The following PSMA5 variants were observed in gnomAD, a reference collection of about 807,000 sequenced individuals.
PSMA5 encodes the protein proteasome subunit alpha type-5.
A neutral mutation model predicts 34.5 loss-of-function variants in PSMA5; 3 were observed. The observed-to-expected ratio is 0.09, with a 90% CI of 0.04 to 0.22. The LOEUF (loss-of-function observed/expected upper bound fraction) is 0.22, where lower values mean the gene tolerates loss of function less well. PSMA5 is among the 10% of genes least tolerant of loss of function. The pLI is 1.00. For missense variants in PSMA5, 120 were observed against 286.1 expected (o/e 0.42, Z 4.19); for synonymous variants, 88 against 95.8 (o/e 0.92, Z 0.47).
At chr1:109,412,786 CAA>C (rs1402922238) in intron 4 of PSMA5, 2 of 295,270 alleles carry the variant, frequency 6.8e-6, no homozygotes, top group Non-Finnish European at 6.2e-6. Context: ...TGCTCCCACA[CAA>C]AGTCAATTAG....
At chr1:109,411,316 T>G (rs938544585) in intron 6 of PSMA5, among the ~76,000 whole-genome samples, 16 of 152,200 alleles carry the variant, frequency 1.1e-4, no homozygotes, top group Admixed American at 2.6e-4. Context: ...AGTACCTTCC[T>G]TAGGGATTTA....
chr1:109,422,532 G>A (rs1452799934), intron 1 of PSMA5, among the ~76,000 whole-genome samples: 1 of 150,132 alleles, frequency 6.7e-6, no homozygotes. Context: ...GCTCAGGCGG[G>A]TGCGATCTCA....
intron 1 of PSMA5, 145 bp downstream of exon 1, chr1:109,426,157 C>A (rs1162088541): frequency 2.5e-5 from 26 of 1,057,010 alleles, no homozygotes; most frequent in Non-Finnish European, 3.6e-5. Context: ...GGACGGCGGG[C>A]GCCTGAGGAG....
In PSMA5 at chr1:109,421,234, T is replaced by C. The variant is rs146131650; in HGVS notation, c.96+626A>G. 9.1e-3 allele frequency among the ~76,000 whole-genome samples: 1,391 copies of C among 152,044 alleles called. 19 individuals are homozygous for C. Among genetic ancestry groups the C allele is most frequent in the African/African-American group, 0.032 (1,316 of 41,496 alleles). On this transcript the variant is annotated intron_variant, in intron 2 of 8. Transcript: ENST00000271308. ...TCTTATTTAGTCCCTAAGGTGACTTTACCAACAAGAACACAAAGGTGGGCT... is the reference window on the plus strand; with the variant it reads ...TCTTATTTAGTCCCTAAGGTGACTTCACCAACAAGAACACAAAGGTGGGCT...
intron 6 of PSMA5, 98 bp from the exon 7 acceptor site, chr1:109,411,211 C>T: frequency 1.3e-6 from 1 of 767,402 alleles, no homozygotes; most frequent in African/African-American, 1.8e-5. Context: ...CTTGGCCCTG[C>T]AGCCAGGAAA....
At chr1:109,413,480 C>A in intron 3 of PSMA5, among the ~76,000 whole-genome samples, 1 of 152,166 alleles carries the variant, frequency 6.6e-6, no homozygotes, top group African/African-American at 2.4e-5. Context: ...AATACTAATG[C>A]CCCAACCTGG....
intron 8 of PSMA5, among the ~76,000 whole-genome samples, chr1:109,403,159 A>T (rs1653605645): frequency 6.6e-6 from 1 of 152,214 alleles, no homozygotes; most frequent in Admixed American, 6.5e-5. Context: ...TAGGGTCAGA[A>T]GATGGTTAAT....
intron 1 of PSMA5, 58 bp downstream of exon 1, chr1:109,426,244 C>G: frequency 6.2e-7 from 1 of 1,604,318 alleles, no homozygotes; most frequent in Non-Finnish European, 8.5e-7. Context: ...GGCCGCGCGG[C>G]CAGGTCCCGG....
intron 8 of PSMA5, among the ~76,000 whole-genome samples, chr1:109,407,473 C>T (rs184185804): frequency 8.7e-4 from 133 of 152,266 alleles, no homozygotes; most frequent in Non-Finnish European, 1.6e-3. Context: ...CATTCACCAA[C>T]AATACTCTCC....
chr1:109,415,324 C>T lies in PSMA5; in HGVS notation c.136G>A (p.Val46Met). Residue 46 changes from valine to methionine, a missense_variant, in exon 3 of 9, where the codon GTG (valine) becomes ATG (methionine). This residue lies in a region of PSMA5 where 17 missense variants were observed against 63.5 expected (regional missense o/e 0.27). Transcript: ENST00000271308. ...ATTCTCTTCTCCACAGCTAGGCACA[C>T]ACCCTCTGATGTCTGGATCCCAATG... ...TAIGIQTSEG[V>M]CLAVEKRITS... 1 of 1,613,960 alleles carries T rather than the reference C, an allele frequency of 6.2e-7. No homozygotes were observed. Among genetic ancestry groups the T allele is most frequent in the Non-Finnish European group, 8.5e-7 (1 of 1,179,866 alleles).
At chr1:109,407,138 A>T (rs1410344985) in intron 8 of PSMA5, among the ~76,000 whole-genome samples, 2 of 152,074 alleles carry the variant, frequency 1.3e-5, no homozygotes, top group East Asian at 3.9e-4. Context: ...GGCGCCCGCC[A>T]CCATACCCGG....
intron 8 of PSMA5, among the ~76,000 whole-genome samples, chr1:109,407,864 C>T (rs1053891280): frequency 3.9e-5 from 6 of 152,058 alleles, no homozygotes; most frequent in Admixed American, 2.0e-4. Flanking sequence ...AGGCTAGTCT[C>T]GAACTTCTGG....
At chr1:109,422,069 A>C in intron 1 of PSMA5, 143 bp from the exon 2 acceptor site, 1 of 522,378 alleles carries the variant, frequency 1.9e-6, no homozygotes, top group East Asian at 3.6e-5. Flanking sequence ...AACAATCTGT[A>C]GCATTTTTTT....
intron 2 of PSMA5, among the ~76,000 whole-genome samples, chr1:109,418,185 G>C (rs1452605881): frequency 1.3e-5 from 2 of 152,124 alleles, no homozygotes; most frequent in Non-Finnish European, 2.9e-5. Context: ...CTGCACTCCA[G>C]TCTAGGTGAC....
intron 1 of PSMA5, 124 bp downstream of exon 1, chr1:109,426,178 C>A: frequency 7.5e-7 from 1 of 1,340,020 alleles, no homozygotes; most frequent in Non-Finnish European, 1.1e-6. Context: ...GGCATAACAT[C>A]CCCAGGTCCG....
chr1:109,399,051 G>A lies in PSMA5; in HGVS notation c.*2962C>T, dbSNP rs896005951. 5.3e-5 allele frequency: 8 copies of A among 152,156 alleles called. No homozygotes were observed. Among genetic ancestry groups the A allele is most frequent in the African/African-American group, 1.9e-4 (8 of 41,434 alleles). 9.4% of individuals were successfully genotyped at this position (152,156 alleles called of 1,614,324 possible). A position where few individuals can be genotyped will look rare whatever the true frequency, so the allele number is the denominator to read the frequency against. On this transcript the variant is annotated 3_prime_UTR_variant, in exon 9 of 9. Transcript: ENST00000271308. ...AGTCATTACACTCAAAGCAAGTAAA[G>A]ATTACTTTTAATTATAAACTGGCCA...
chr1:109,406,896 T>C (rs1025512415), intron 8 of PSMA5, among the ~76,000 whole-genome samples: 17 of 152,170 alleles, frequency 1.1e-4, no homozygotes, highest in African/African-American at 4.1e-4. Flanking sequence ...AAATTATATC[T>C]CAAAAAAGTT....
intron 2 of PSMA5, among the ~76,000 whole-genome samples, chr1:109,421,326 T>G (rs1278087106): frequency 6.6e-6 from 1 of 151,748 alleles, no homozygotes; most frequent in African/African-American, 2.4e-5. Flanking sequence ...TCATTTGAGG[T>G]CAGGGGTTCG....
intron 6 of PSMA5, 37 bp downstream of exon 6, chr1:109,411,840 G>A: frequency 6.4e-7 from 1 of 1,564,868 alleles, no homozygotes; most frequent in African/African-American, 1.4e-5. Context: ...ATAATTCCCT[G>A]CAAAAGCATG....
Sources: gnomAD v4.1 joint callset for allele counts (sites outside exome capture counted in the v4.1 genomes callset) on GRCh38, gnomAD v4.1.1 for gene constraint, gnomAD v4.1.1 regional missense constraint, MANE v1.5 for transcripts, NCBI Gene and HGNC (gene_info 2026-07-23, HGNC 2026-07-21) for gene names.